Variants in FER observed in about 807,000 individuals in gnomAD.
The protein encoded by FER is FER tyrosine kinase.
FER carries 63 observed loss-of-function variants against 111.0 expected under a neutral mutation model. The observed-to-expected ratio is 0.57, with a 90% CI of 0.46 to 0.70. The LOEUF is 0.70. FER is among the 30% of genes least tolerant of loss of function. The pLI, the probability that FER is intolerant of heterozygous loss-of-function variation, is 0.00. For synonymous variants in FER, 327 were observed against 313.9 expected, an observed-to-expected ratio of 1.04 and a Z score of -0.44; for missense variants, 914 against 954.0, an observed-to-expected ratio of 0.96 and a Z score of 0.55.
chr5:108,957,572 G>T (rs1381026957), intron 12 of FER, among the ~76,000 whole-genome samples: 1 of 151,552 alleles, frequency 6.6e-6, no homozygotes, highest in Non-Finnish European at 1.5e-5. Context: ...TGATAGAACT[G>T]CCATATGATC....
At chr5:108,871,937 A>G (rs1764642287) in intron 7 of FER, among the ~76,000 whole-genome samples, 156 bp from the exon 8 acceptor site, 1 of 152,082 alleles carries the variant, frequency 6.6e-6, no homozygotes, top group South Asian at 2.1e-4. Context: ...AAGTTACACA[A>G]TTTTGAAACC....
intron 13 of FER, among the ~76,000 whole-genome samples, chr5:109,020,054 T>C (rs1767722599): frequency 6.6e-6 from 1 of 151,972 alleles, no homozygotes; most frequent in Admixed American, 6.6e-5. Context: ...TTCACCAAGT[T>C]TGACCTCTTA....
At chr5:109,157,329 A>C (rs1755508525) in intron 17 of FER, among the ~76,000 whole-genome samples, 5 of 152,088 alleles carry the variant, frequency 3.3e-5, no homozygotes, top group Admixed American at 2.6e-4. Context: ...ACACTTTAAA[A>C]TGCAATTTAC....
In FER at chr5:108,867,870, T is replaced by C; in HGVS notation, c.585T>C (p.His195=). ...TGGCGTTGAAAGGGGCACAGCTCCA[T>C]CAGAATCAGTATTATGATATCACAC... ...YVLALKGAQL[H]QNQYYDITLP... The change falls in exon 6 of 20, where the codon CAT becomes CAC. Residue 195 remains histidine, a synonymous_variant. Transcript: ENST00000281092. 6.2e-7 allele frequency: 1 copy of C among 1,613,318 alleles called. No individual in the cohort carries two copies. The highest frequency in any genetic ancestry group is 8.5e-7 in the Non-Finnish European group (1 of 1,179,504).
intron 13 of FER, among the ~76,000 whole-genome samples, chr5:108,990,587 CAG>C (rs1021568381): frequency 3.3e-5 from 5 of 151,254 alleles, no homozygotes; most frequent in African/African-American, 9.7e-5. Flanking sequence ...GAGAGGATAA[CAG>C]AAAGTATTAT....
rs76121426 is a variant in FER at position 109,079,095 on chromosome 5, A to G, written c.1925-21301A>G. Among the ~76,000 whole-genome samples the G allele has an allele frequency of 9.9e-3, 1,509 of 152,056 alleles. 19 individuals carry two copies. The highest frequency in any genetic ancestry group is 0.035 in the African/African-American group (1,433 of 41,536). On this transcript the variant is annotated intron_variant, in intron 16 of 19. Coordinates refer to ENST00000281092, the MANE Select transcript of FER (RefSeq NM_005246.4). ...GGGAGACATTTAAAGATGAATTTGT[A>G]TACATTCTCCTTGTTTATTTTTTTC...
chr5:108,887,058 A>G (rs1747284395), intron 9 of FER, among the ~76,000 whole-genome samples: 1 of 151,674 alleles, frequency 6.6e-6, no homozygotes. Context: ...ATCAATTTTT[A>G]TCTGGTTTTA....
intron 17 of FER, among the ~76,000 whole-genome samples, chr5:109,133,660 A>G (rs972488520): frequency 1.3e-5 from 2 of 152,298 alleles, no homozygotes; most frequent in Non-Finnish European, 1.5e-5. Context: ...AGACCATGTC[A>G]AGAAAAATTT....
chr5:108,882,254 A>T (rs1010053381), intron 8 of FER, among the ~76,000 whole-genome samples: 1 of 151,924 alleles, frequency 6.6e-6, no homozygotes, highest in African/African-American at 2.4e-5. Context: ...ATCTGTGCCA[A>T]TTTTTTCACA....
intron 17 of FER, among the ~76,000 whole-genome samples, chr5:109,128,851 T>C (rs1054028863): frequency 6.6e-6 from 1 of 152,060 alleles, no homozygotes; most frequent in African/African-American, 2.4e-5. Flanking sequence ...TGGAAAAATA[T>C]GTCACAAAAA....
intron 3 of FER, among the ~76,000 whole-genome samples, chr5:108,825,008 G>A (rs552677129): frequency 2.2e-4 from 33 of 152,240 alleles, no homozygotes; most frequent in Middle Eastern, 6.8e-3. Flanking sequence ...GGGAGTGTGC[G>A]AATAGGTGTG....
At chr5:109,007,791 G>A (rs1765691259) in intron 13 of FER, among the ~76,000 whole-genome samples, 1 of 152,138 alleles carries the variant, frequency 6.6e-6, no homozygotes. Flanking sequence ...GAGATTGGTG[G>A]TTTGTCTAGT....
rs1242927907 is a variant in FER at position 109,004,043 on chromosome 5, T to C, written c.1657-33379T>C. ...TTTTTTTTGTCAAATTGACAAATAT[T>C]AGAAAACAATAAATGTCATTGCTAA... is the stretch of plus-strand genomic sequence containing the variant. On this transcript the variant is annotated intron_variant, in intron 13 of 19. Coordinates refer to ENST00000281092, the MANE Select transcript of FER (RefSeq NM_005246.4). Among the ~76,000 whole-genome samples the C allele has an allele frequency of 2.0e-5, 3 of 152,168 alleles. 1 individual carries two copies. Among genetic ancestry groups the C allele is most frequent in the Admixed American group, 1.3e-4 (2 of 15,270 alleles).
chr5:108,775,176 A>T (rs1181292689), intron 2 of FER, among the ~76,000 whole-genome samples: 3 of 152,092 alleles, frequency 2.0e-5, no homozygotes, highest in African/African-American at 7.2e-5. Context: ...TGTTTTTGTC[A>T]GGTTTGTCAA....
At chr5:108,912,651 C>T (rs1429727100) in intron 10 of FER, among the ~76,000 whole-genome samples, 2 of 152,116 alleles carry the variant, frequency 1.3e-5, no homozygotes, top group African/African-American at 2.4e-5. Flanking sequence ...AGGTGTGAGC[C>T]ACTGTGCGTG....
At chr5:108,757,813 T>TAATAG (rs1308033510) in intron 1 of FER, among the ~76,000 whole-genome samples, 1 of 152,194 alleles carries the variant, frequency 6.6e-6, no homozygotes, top group Non-Finnish European at 1.5e-5. Context: ...ACTTCTGGGA[T>TAATAG]AATAGGGGTT....
intron 10 of FER, among the ~76,000 whole-genome samples, chr5:108,928,098 T>C (rs1450173713): frequency 6.6e-6 from 1 of 152,226 alleles, no homozygotes; most frequent in East Asian, 1.9e-4. Context: ...TAATATGGCT[T>C]AGCACAGTAC....
intron 13 of FER, among the ~76,000 whole-genome samples, chr5:109,008,498 G>A (rs1415121361): frequency 6.6e-6 from 1 of 152,026 alleles, no homozygotes. Context: ...AATTTTCTCT[G>A]TGTTATCGCA....
intron 16 of FER, among the ~76,000 whole-genome samples, chr5:109,092,891 T>C (rs58724822): frequency 0.3 from 45,974 of 151,802 alleles, 7,108 homozygotes; most frequent in Non-Finnish European, 0.33. Context: ...ATAAAGAAAA[T>C]GGGGTATATA....
Sources: gnomAD v4.1 joint callset for allele counts (sites outside exome capture counted in the v4.1 genomes callset) on GRCh38, gnomAD v4.1.1 for gene constraint, MANE v1.5 for transcripts, NCBI Gene and HGNC (gene_info 2026-07-23, HGNC 2026-07-21) for gene names.